SETMAR: variants seen among roughly 807,000 people sequenced by gnomAD.
The protein encoded by SETMAR is SET and mariner transposase domain methyltransferase.
A neutral mutation model predicts 58.4 loss-of-function variants in SETMAR; 44 were observed. The ratio of observed to expected loss-of-function variants is 0.75; its 90% CI spans 0.59 to 0.97. SETMAR has a LOEUF of 0.97. Among genes scored for constraint, SETMAR ranks in the 50% least tolerant of loss-of-function variants. The pLI is 0.00. For synonymous variants in SETMAR, 332 were observed against 307.4 expected (o/e 1.08, Z -0.84); for missense variants, 903 against 840.2 (o/e 1.07, Z -0.92).
At position 4,316,324 on chromosome 3, in the gene SETMAR, C is replaced by T. The variant is rs1301669182; in HGVS notation, c.1133C>T (p.Pro378Leu). ...CGCAACATCAACAATGCATTTGGCC[C>T]AGGAACTGCTAACGAACGTACAGTG... is the stretch of plus-strand genomic sequence containing the variant. ...TTRNINNAFG[P>L]GTANERTVQW... The change falls in exon 3 of 3, where the codon CCA (proline) becomes CTA (leucine). Residue 378 changes from proline to leucine, a missense_variant. Pro to Leu is a moderately conservative substitution (Grantham distance 98). Coordinates refer to ENST00000358065, the MANE Select transcript of SETMAR (RefSeq NM_006515.4). 1.5e-6 allele frequency: 2 copies of T among 1,316,424 alleles called. No homozygotes were observed. Among genetic ancestry groups the T allele is most frequent in the Admixed American group, 2.0e-5 (1 of 50,704 alleles). The allele number at this position is 1,316,424 out of a possible 1,614,324, so 81.5% of individuals were successfully genotyped here.
intron 2 of SETMAR, 133 bp downstream of exon 2, chr3:4,313,894 C>A: frequency 6.9e-7 from 1 of 1,439,002 alleles, no homozygotes; most frequent in Non-Finnish European, 9.3e-7. Flanking sequence ...CCATCAGTAT[C>A]CTTTCCCCTT....
chr3:4,316,085 T>C lies in SETMAR; in HGVS notation c.1021-127T>C, dbSNP rs1056457670. On this transcript the variant is annotated intron_variant, in intron 2 of 2. Transcript: ENST00000358065. ...AAAAAAAAAGTAACAGTTTTTGCAT[T>C]GTTGGAATTTGGTATTTGATATTGG... 13 of 536,470 alleles carry C rather than the reference T, an allele frequency of 2.4e-5. No individual in the cohort carries two copies. The Admixed American group carries it at 3.5e-4, about 14-fold the overall frequency. 33.2% of individuals were successfully genotyped at this position (536,470 alleles called of 1,614,324 possible).
At position 4,313,636 on chromosome 3, in the gene SETMAR, C is replaced by A; in HGVS notation, c.895C>A (p.Pro299Thr). 6.2e-7 allele frequency: 1 copy of A among 1,614,042 alleles called. No individual in the cohort carries two copies. Among genetic ancestry groups the A allele is most frequent in the Non-Finnish European group, 8.5e-7 (1 of 1,179,968 alleles). The part of the protein sequence containing the change: ...CGAKSCTAFL[P>T]FDSSLYCPVE... ...TGCCAAATCATGTACTGCTTTCCTG[C>A]CTTTTGACAGTTCTCTGTACTGCCC... Residue 299 changes from proline to threonine, a missense_variant, in exon 2 of 3, where the codon CCT becomes ACT. Pro to Thr is a conservative substitution (Grantham distance 38, BLOSUM62 -1). Transcript: ENST00000358065.
chr3:4,307,933 C>T (rs1698254576), intron 1 of SETMAR, among the ~76,000 whole-genome samples: 1 of 152,014 alleles, frequency 6.6e-6, no homozygotes, highest in East Asian at 1.9e-4. Flanking sequence ...CCTGTAGTCC[C>T]ACCTACTTGG....
Position 4,312,975 on chromosome 3 carries a change from C to T in SETMAR, c.234C>T (p.Val78=), listed in dbSNP as rs1698473060. The change falls in exon 2 of 3, where the codon GTC becomes GTT. Residue 78 remains valine, a synonymous_variant. Transcript: ENST00000358065. ...TQITFPGCIC[V]KTPCLPGTCS... is the part of the protein sequence containing the mutation. ...TAACCTTTCCCGGATGCATTTGTGT[C>T]AAAACTCCCTGCCTCCCTGGCACTT... is the stretch of plus-strand genomic sequence containing the variant. 2 of 1,613,984 alleles carry T rather than the reference C, an allele frequency of 1.2e-6. No individual in the cohort carries two copies. The highest frequency in any genetic ancestry group is 1.7e-6 in the Non-Finnish European group (2 of 1,179,940).
chr3:4,303,621 C>T (rs1698045897), intron 1 of SETMAR, 95 bp downstream of exon 1: 2 of 1,387,180 alleles, frequency 1.4e-6, no homozygotes, highest in Non-Finnish European at 1.9e-6. Context: ...CCAGTCGCGA[C>T]CTTTTGTCTT....
At position 4,312,991 on chromosome 3, in the gene SETMAR, C is replaced by G; in HGVS notation, c.250C>G (p.Pro84Ala). 1.2e-6 allele frequency: 2 copies of G among 1,614,042 alleles called. No individual in the cohort carries two copies. Among genetic ancestry groups the G allele is most frequent in the Non-Finnish European group, 8.5e-7 (1 of 1,179,954 alleles). ...GCICVKTPCL[P>A]GTCSCLRHGE... ...CATTTGTGTCAAAACTCCCTGCCTCCCTGGCACTTGCTCCTGTCTCCGCCA... is the reference window on the plus strand; with the variant it reads ...CATTTGTGTCAAAACTCCCTGCCTCGCTGGCACTTGCTCCTGTCTCCGCCA... Residue 84 changes from proline to alanine, a missense_variant, in exon 2 of 3, where the codon CCT (proline) becomes GCT (alanine). Physicochemically the swap from Pro to Ala is conservative, Grantham distance 27. Coordinates refer to ENST00000358065, the MANE Select transcript of SETMAR (RefSeq NM_006515.4).
rs767080676 is a variant in SETMAR, at chr3:4,313,671, G to C, written c.930G>C (p.Lys310Asn). Residue 310 changes from lysine (K) to asparagine (N), a missense_variant, in exon 2 of 3, where the codon AAG becomes AAC. By Grantham distance (94) the Lys-to-Asn change is moderately conservative. Transcript: ENST00000358065. ...GTTCTCTGTACTGCCCCGTAGAAAA[G>C]TCGAACATCAGTTGTGGAAATGAGA... is the stretch of plus-strand genomic sequence containing the variant. Reference protein sequence around the residue: ...FDSSLYCPVEKSNISCGNEKE... With the variant: ...FDSSLYCPVENSNISCGNEKE... 1.2e-6 allele frequency: 2 copies of C among 1,614,000 alleles called. No individual in the cohort carries two copies. The highest frequency in any genetic ancestry group is 1.7e-5 in the Admixed American group (1 of 59,970).
intron 1 of SETMAR, among the ~76,000 whole-genome samples, chr3:4,309,288 A>C (rs1377454336): frequency 1.3e-5 from 2 of 151,832 alleles, no homozygotes; most frequent in Non-Finnish European, 2.9e-5. Flanking sequence ...GGCATGTCTG[A>C]CCCCTGCCCC....
At chr3:4,306,140 G>C (rs980184677) in intron 1 of SETMAR, among the ~76,000 whole-genome samples, 2 of 152,152 alleles carry the variant, frequency 1.3e-5, no homozygotes, top group African/African-American at 4.8e-5. Flanking sequence ...TATTCCTGCC[G>C]TGCGTGTGTG....
At chr3:4,311,337 C>T (rs1444367022) in intron 1 of SETMAR, among the ~76,000 whole-genome samples, 1 of 152,186 alleles carries the variant, frequency 6.6e-6, no homozygotes, top group Non-Finnish European at 1.5e-5. Context: ...GGAGGATTGA[C>T]TGGAAGACGT....
rs1461481737 is a variant in SETMAR, at chr3:4,316,609, T to C, written c.1418T>C (p.Phe473Ser). Reference protein sequence around the residue: ...ELTENQKNRRFEVSSSLILRN... With the variant: ...ELTENQKNRRSEVSSSLILRN... ...ACTGAAAATCAAAAAAATCGTCGTT[T>C]TGAAGTGTCATCTTCTCTTATTCTA... Residue 473 changes from phenylalanine to serine, a missense_variant, in exon 3 of 3, where the codon TTT (phenylalanine) becomes TCT (serine). By Grantham distance (155) the Phe-to-Ser change is radical. Transcript: ENST00000358065. 6.4e-7 allele frequency: 1 copy of C among 1,551,332 alleles called. No individual in the cohort carries two copies. Among genetic ancestry groups the C allele is most frequent in the East Asian group, 2.4e-5 (1 of 40,928 alleles).
At chr3:4,312,763 T>C (rs1698460483) in intron 1 of SETMAR, 135 bp from the exon 2 acceptor site, 1 of 985,528 alleles carries the variant, frequency 1.0e-6, no homozygotes. Context: ...AATATCTTAG[T>C]ATGCTGTGTT....
intron 1 of SETMAR, 111 bp from the exon 2 acceptor site, chr3:4,312,787 C>T: frequency 7.9e-7 from 1 of 1,262,940 alleles, no homozygotes; most frequent in East Asian, 2.4e-5. Flanking sequence ...ACAGTTTTGT[C>T]CTGTTTTTAT....
intron 1 of SETMAR, among the ~76,000 whole-genome samples, chr3:4,309,522 G>GCTTTCC (rs1423034753): frequency 6.6e-6 from 1 of 152,152 alleles, no homozygotes; most frequent in Non-Finnish European, 1.5e-5. Context: ...CAACAAAAAA[G>GCTTTCC]GGAAGGAATT....
Position 4,317,219 on chromosome 3 carries a change from T to C in SETMAR, c.2028T>C (p.Val676=). Residue 676 remains valine (V), a synonymous_variant, in exon 3 of 3, where the codon GTT becomes GTC. Transcript: ENST00000358065. ...NQLISRWQKC[V]DCNGSYFD is the part of the protein sequence containing the mutation. The stretch of plus-strand genomic sequence containing the variant: ...TTATTTCTCGTTGGCAAAAATGTGT[T>C]GATTGTAATGGTTCCTATTTTGATT... 6.5e-7 allele frequency: 1 copy of C among 1,545,314 alleles called. No individual in the cohort carries two copies. Among genetic ancestry groups the C allele is most frequent in the Admixed American group, 2.0e-5 (1 of 50,862 alleles).
Position 4,313,359 on chromosome 3 carries a change from G to A in SETMAR, c.618G>A (p.Met206Ile). 6.2e-7 allele frequency: 1 copy of A among 1,613,938 alleles called. No homozygotes were observed. The highest frequency in any genetic ancestry group is 8.5e-7 in the Non-Finnish European group (1 of 1,179,946). Reference sequence around the variant, plus strand: ...AACATGTTTATAATGGGCAGGTAATGGAAACATTTGTTGACCCTACTTATA... The same window carrying A: ...AACATGTTTATAATGGGCAGGTAATAGAAACATTTGTTGACCCTACTTATA... Reference protein sequence around the residue: ...IREHVYNGQVMETFVDPTYIG... With the variant: ...IREHVYNGQVIETFVDPTYIG... The change falls in exon 2 of 3, where the codon ATG becomes ATA. Residue 206 changes from methionine (M) to isoleucine (I), a missense_variant. By Grantham distance (10) the Met-to-Ile change is conservative. Transcript: ENST00000358065.
chr3:4,303,932 C>T (rs115308297), intron 1 of SETMAR: 5 of 1,149,838 alleles, frequency 4.3e-6, no homozygotes, highest in Non-Finnish European at 5.6e-6. Context: ...AACAGCCCCT[C>T]GAGTCAGCCT....
chr3:4,315,237 C>T (rs989442839), intron 2 of SETMAR, among the ~76,000 whole-genome samples: 1 of 152,198 alleles, frequency 6.6e-6, no homozygotes, highest in African/African-American at 2.4e-5. Flanking sequence ...CAGCTTGTAT[C>T]CCTCACTCCA....
Sources: gnomAD v4.1 joint callset for allele counts (sites outside exome capture counted in the v4.1 genomes callset) on GRCh38, gnomAD v4.1.1 for gene constraint, MANE v1.5 for transcripts, NCBI Gene and HGNC (gene_info 2026-07-23, HGNC 2026-07-21) for gene names.